Variants in OSBP observed in about 807,000 individuals in gnomAD.
OSBP encodes oxysterol-binding protein 1.
OSBP carries 32 observed loss-of-function variants against 96.6 expected under a neutral mutation model. The ratio of observed to expected loss-of-function variants is 0.33; its 90% CI spans 0.25 to 0.45. The LOEUF (loss-of-function observed/expected upper bound fraction) is 0.45, where lower values mean the gene tolerates loss of function less well. OSBP is among the 20% of genes least tolerant of loss of function. OSBP has a pLI of 1.00. For missense variants in OSBP, 653 were observed against 1,029.7 expected (o/e 0.63, Z 5.01); for synonymous variants, 369 against 389.6 (o/e 0.95, Z 0.62).
Position 59,601,364 on chromosome 11 carries a change from C to T in OSBP, c.1043G>A (p.Gly348Glu). The change falls in exon 5 of 14, where the codon GGG becomes GAG. Residue 348 changes from glycine (G) to glutamate (E), a missense_variant. Gly to Glu is a moderately conservative substitution (Grantham distance 98). Transcript: ENST00000263847. ...SGKDQCCSGK[G>E]DMSDEDDENE... is the part of the protein sequence containing the mutation. Reference sequence around the variant, plus strand: ...CTCATCATCTTCATCGCTCATGTCCCCTTTGCCAGAGCAGCACTGATCTAC... The same window carrying T: ...CTCATCATCTTCATCGCTCATGTCCTCTTTGCCAGAGCAGCACTGATCTAC... The T allele has an allele frequency of 6.2e-7, 1 of 1,612,364 alleles. No homozygotes were observed. Among genetic ancestry groups the T allele is most frequent in the Admixed American group, 1.7e-5 (1 of 59,988 alleles).
At chr11:59,590,011 C>G (rs992825945) in intron 9 of OSBP, among the ~76,000 whole-genome samples, 1 of 151,988 alleles carries the variant, frequency 6.6e-6, no homozygotes, top group Non-Finnish European at 1.5e-5. Context: ...CATATTTGCT[C>G]CTTAAAATAG....
At chr11:59,587,810 C>A (rs1860519792) in intron 9 of OSBP, among the ~76,000 whole-genome samples, 1 of 152,308 alleles carries the variant, frequency 6.6e-6, no homozygotes, top group East Asian at 1.9e-4. Context: ...TCCAGCAATT[C>A]CATTTCTGGT....
At chr11:59,611,615 A>C (rs1860849387) in intron 1 of OSBP, among the ~76,000 whole-genome samples, 1 of 152,212 alleles carries the variant, frequency 6.6e-6, no homozygotes, top group Admixed American at 6.5e-5. Context: ...CTGGGGAAGT[A>C]AAAAGGAATC....
intron 7 of OSBP, among the ~76,000 whole-genome samples, chr11:59,596,526 T>C (rs1195161525): frequency 1.3e-5 from 2 of 150,736 alleles, no homozygotes; most frequent in African/African-American, 2.4e-5. Flanking sequence ...AAGAAATGAG[T>C]CTGAGTATTT....
intron 7 of OSBP, among the ~76,000 whole-genome samples, chr11:59,599,324 TCA>T: frequency 6.6e-6 from 1 of 152,332 alleles, no homozygotes; most frequent in African/African-American, 2.4e-5. Flanking sequence ...AATTTTCACA[TCA>T]CAAACTATTA....
chr11:59,580,105 G>A, intron 11 of OSBP, 69 bp downstream of exon 11: 1 of 1,013,536 alleles, frequency 9.9e-7, no homozygotes, highest in South Asian at 1.3e-5. Flanking sequence ...ATACATTCCA[G>A]TCCTAAAGGA....
rs1186057922 is a variant in OSBP, at chr11:59,578,059, TTAAG to T, written c.2060+86_2060+89del. Reference sequence around the variant, plus strand: ...TTCCCTTGCTCAATTCCCCACATAATTAAGTGAGAGGGCAGGCAGAAATGCCTTC... The same window carrying T: ...TTCCCTTGCTCAATTCCCCACATAATTGAGAGGGCAGGCAGAAATGCCTTC... On this transcript the variant is annotated intron_variant, in intron 12 of 13. Transcript: ENST00000263847. The T allele has an allele frequency of 7.3e-5, 88 of 1,203,682 alleles. No individual in the cohort carries two copies. In the African/African-American group the frequency reaches 1.0e-3, roughly 14 times the overall value. 74.6% of individuals were successfully genotyped at this position (1,203,682 alleles called of 1,614,324 possible). A position where few individuals can be genotyped will look rare whatever the true frequency, so the allele number is the denominator to read the frequency against.
At chr11:59,587,783 A>C (rs892387855) in intron 9 of OSBP, among the ~76,000 whole-genome samples, 1 of 152,244 alleles carries the variant, frequency 6.6e-6, no homozygotes, top group East Asian at 1.9e-4. Flanking sequence ...AAAACTAAGA[A>C]TATAATTGCC....
rs540720674 is a variant in OSBP, at chr11:59,596,794, G to T, written c.1312-2539C>A. 9.2e-5 allele frequency among the ~76,000 whole-genome samples: 14 copies of T among 152,318 alleles called. 1 individual carries two copies. The East Asian group carries it at 2.7e-3, about 29-fold the overall frequency. On this transcript the variant is annotated intron_variant, in intron 7 of 13. Coordinates refer to ENST00000263847, the MANE Select transcript of OSBP (RefSeq NM_002556.3). ...GTAGGTGCGCCAGAGCACCACTCAA[G>T]AGGGCATAGAGGGAGAGACTTCCCA...
chr11:59,580,056 A>G (rs1860402859), intron 11 of OSBP, 118 bp downstream of exon 11: 1 of 742,124 alleles, frequency 1.3e-6, no homozygotes, highest in Non-Finnish European at 2.4e-6. Flanking sequence ...CACATACACT[A>G]TATAAAATGT....
intron 9 of OSBP, among the ~76,000 whole-genome samples, chr11:59,585,866 A>AC (rs1438254534): frequency 1.3e-5 from 2 of 152,072 alleles, no homozygotes; most frequent in African/African-American, 2.4e-5. Flanking sequence ...CTGTGACCTT[A>AC]CCCCCAACCC....
chr11:59,584,354 A>C (rs1860468272), intron 9 of OSBP, among the ~76,000 whole-genome samples: 1 of 152,196 alleles, frequency 6.6e-6, no homozygotes, highest in African/African-American at 2.4e-5. Flanking sequence ...ACAGACCAAT[A>C]TCATATCCCT....
intron 9 of OSBP, among the ~76,000 whole-genome samples, chr11:59,586,328 T>C (rs187628965): frequency 1.7e-3 from 258 of 151,894 alleles, no homozygotes; most frequent in Middle Eastern, 6.8e-3. Flanking sequence ...CCACTTATAA[T>C]AGTATCAAAA....
intron 11 of OSBP, among the ~76,000 whole-genome samples, chr11:59,579,441 C>T (rs1860394961): frequency 6.6e-6 from 1 of 150,678 alleles, no homozygotes; most frequent in African/African-American, 2.4e-5. Context: ...TCAAGCAATT[C>T]TCCTGCCTCA....
At chr11:59,577,279 A>G (rs1565112936) in intron 12 of OSBP, among the ~76,000 whole-genome samples, 1 of 152,146 alleles carries the variant, frequency 6.6e-6, no homozygotes, top group Non-Finnish European at 1.5e-5. Context: ...GAAATTATCT[A>G]CGTTCATTAG....
At chr11:59,596,886 C>T (rs1860665872) in intron 7 of OSBP, among the ~76,000 whole-genome samples, 1 of 152,142 alleles carries the variant, frequency 6.6e-6, no homozygotes, top group South Asian at 2.1e-4. Context: ...GCCACGGAAG[C>T]CTGAAAAAAC....
At position 59,612,016 on chromosome 11, in the gene OSBP, T is replaced by C. The variant is rs180810968; in HGVS notation, c.363-1427A>G. Reference sequence around the variant, plus strand: ...AATTGGAACACAGAGGTCAAAGTCCTTTGCCAACTGCCACAGTACAAAGCA... The same window carrying C: ...AATTGGAACACAGAGGTCAAAGTCCCTTGCCAACTGCCACAGTACAAAGCA... On this transcript the variant is annotated intron_variant, in intron 1 of 13. Coordinates refer to ENST00000263847, the MANE Select transcript of OSBP (RefSeq NM_002556.3). 1.3e-3 allele frequency among the ~76,000 whole-genome samples: 200 copies of C among 152,354 alleles called. 3 individuals carry two copies. In the East Asian group the frequency reaches 0.028, roughly 21 times the overall value.
chr11:59,581,422 T>TCA (rs748802498), intron 10 of OSBP, 29 bp downstream of exon 10: 11 of 1,296,834 alleles, frequency 8.5e-6, no homozygotes, highest in Non-Finnish European at 1.2e-5. Context: ...CTTTTAAACT[T>TCA]CACACACACT....
In OSBP at chr11:59,615,637, C is replaced by T; in HGVS notation, c.28G>A (p.Val10Met). Residue 10 changes from valine (V) to methionine (M), a missense_variant, in exon 1 of 14, where the codon GTG becomes ATG. Coordinates refer to ENST00000263847, the MANE Select transcript of OSBP (RefSeq NM_002556.3). MAATELRGVVGPGPAAIAAL... is the reference protein window; with the variant it reads MAATELRGVMGPGPAAIAAL... ...GCAATGGCTGCCGGGCCTGGCCCCA[C>T]CACTCCTCTCAGCTCCGTCGCCGCC... 1.4e-6 allele frequency: 2 copies of T among 1,383,014 alleles called. No individual in the cohort carries two copies. Among genetic ancestry groups the T allele is most frequent in the Non-Finnish European group, 1.9e-6 (2 of 1,066,672 alleles). The allele number at this position is 1,383,014 out of a possible 1,614,324, so 85.7% of individuals were successfully genotyped here. A position where few individuals can be genotyped will look rare whatever the true frequency, so the allele number is the denominator to read the frequency against.
Sources: gnomAD v4.1 joint callset for allele counts (sites outside exome capture counted in the v4.1 genomes callset) on GRCh38, gnomAD v4.1.1 for gene constraint, MANE v1.5 for transcripts, NCBI Gene and HGNC (gene_info 2026-07-23, HGNC 2026-07-21) for gene names.